Variants in ITGB3 observed in about 807,000 individuals in gnomAD.
The protein encoded by ITGB3 is integrin beta-3.
In ITGB3, 48 loss-of-function variants were observed where a neutral mutation model predicts 85.8. The ratio of observed to expected loss-of-function variants is 0.56; its 90% confidence interval spans 0.44 to 0.71. The LOEUF (loss-of-function observed/expected upper bound fraction) is 0.71. Among genes scored for constraint, ITGB3 ranks in the 30% least tolerant of loss-of-function variants. The probability of loss-of-function intolerance (pLI) is 0.00; values close to 1 mark genes in which losing one functional copy is unlikely to be tolerated. For missense variants in ITGB3, 861 were observed against 1,019.1 expected (o/e 0.84, Z 2.11); for synonymous variants, 363 against 395.6 (o/e 0.92, Z 0.98).
intron 1 of ITGB3, among the ~76,000 whole-genome samples, chr17:47,266,010 C>G (rs1340013377): frequency 1.3e-5 from 2 of 152,154 alleles, no homozygotes; most frequent in Non-Finnish European, 2.9e-5. Context: ...AAGGAAGGAC[C>G]AAAATTAAAA....
rs114338812 is a variant in ITGB3 at position 47,300,313 on chromosome 17, G to T, written c.1914-165G>T. ...CCCTGAACTCCACACTTGCCATTCA[G>T]GTCCCCAGGATTGTCTTACAGGCGC... On this transcript the variant is annotated intron_variant, in intron 11 of 14. Transcript: ENST00000559488. Among the ~76,000 whole-genome samples the T allele has an allele frequency of 0.017, 2,612 of 151,442 alleles. 65 individuals are homozygous for T. The highest frequency in any genetic ancestry group is 0.061 in the African/African-American group (2,498 of 41,176).
chr17:47,265,541 G>A (rs1055869729), intron 1 of ITGB3, among the ~76,000 whole-genome samples: 7 of 151,920 alleles, frequency 4.6e-5, no homozygotes, highest in East Asian at 1.9e-4. Context: ...CTCTCTCTTC[G>A]TGTGGTGTTT....
chr17:47,274,323 G>A, intron 1 of ITGB3, 96 bp from the exon 2 acceptor site: 1 of 1,044,986 alleles, frequency 9.6e-7, no homozygotes, highest in South Asian at 1.3e-5. Flanking sequence ...CCTGAGAGCT[G>A]TAAACCTGGA....
chr17:47,270,103 C>T (rs1334197902), intron 1 of ITGB3, among the ~76,000 whole-genome samples: 2 of 152,176 alleles, frequency 1.3e-5, no homozygotes, highest in Non-Finnish European at 2.9e-5. Flanking sequence ...GGATAATCAT[C>T]CCTGTGATTC....
chr17:47,270,092 A>G, intron 1 of ITGB3, among the ~76,000 whole-genome samples: 1 of 152,202 alleles, frequency 6.6e-6, no homozygotes, highest in East Asian at 1.9e-4. Context: ...CAGCAACATG[A>G]GGATAATCAT....
chr17:47,293,336 TG>T (rs2143116147), intron 10 of ITGB3, among the ~76,000 whole-genome samples: 1 of 152,302 alleles, frequency 6.6e-6, no homozygotes, highest in African/African-American at 2.4e-5. Flanking sequence ...GAACCACTCC[TG>T]GGGTACTTTC....
At chr17:47,283,717 G>A (rs866595832) in intron 3 of ITGB3, among the ~76,000 whole-genome samples, 168 bp downstream of exon 3, 2 of 152,182 alleles carry the variant, frequency 1.3e-5, no homozygotes, top group African/African-American at 2.4e-5. Context: ...AATAAGAGAC[G>A]TTAGGACTTG....
chr17:47,313,549 C>T lies in ITGB3; in HGVS notation c.*3345C>T, dbSNP rs1341403348. On this transcript the variant is annotated 3_prime_UTR_variant, in exon 15 of 15. Transcript: ENST00000559488. ...TATTTTTAGTAGAGACGGGGTTTCA[C>T]GGTGTTAGCCAGGAAGGTCTCGATC... 6.6e-6 allele frequency among the ~76,000 whole-genome samples: 1 copy of T among 151,734 alleles called. No homozygotes were observed. The highest frequency in any genetic ancestry group is 2.4e-5 in the African/African-American group (1 of 41,286).
chr17:47,272,687 C>CTT (rs1350966737), intron 1 of ITGB3, among the ~76,000 whole-genome samples: 9 of 97,256 alleles, frequency 9.3e-5, no homozygotes, highest in Non-Finnish European at 1.5e-4. Flanking sequence ...CTTTTTTTTT[C>CTT]TTTCTTTCTT....
intron 2 of ITGB3, among the ~76,000 whole-genome samples, chr17:47,281,856 G>A (rs959102701): frequency 2.0e-5 from 3 of 152,160 alleles, no homozygotes; most frequent in African/African-American, 7.2e-5. Context: ...TAGCCTGTGT[G>A]ACATCCCTGT....
intron 1 of ITGB3, among the ~76,000 whole-genome samples, chr17:47,256,477 C>G (rs111281236): frequency 3.2e-4 from 49 of 151,452 alleles, no homozygotes; most frequent in African/African-American, 8.7e-4. Flanking sequence ...AGTAATACCC[C>G]CCCCCCCAAC....
rs73985151 is a variant in ITGB3 at position 47,273,317 on chromosome 17, G to A, written c.80-1102G>A. ...TCCCTTTGGAAAACTGCATGAAGGAGCTGTCAGGGTAACTGGGTCATGGAG... is the reference window on the plus strand; with the variant it reads ...TCCCTTTGGAAAACTGCATGAAGGAACTGTCAGGGTAACTGGGTCATGGAG... On this transcript the variant is annotated intron_variant, in intron 1 of 14. Transcript: ENST00000559488. Among the ~76,000 whole-genome samples, 294 of 152,326 alleles carry A rather than the reference G, an allele frequency of 1.9e-3. 3 individuals carry two copies. Among genetic ancestry groups the A allele is most frequent in the African/African-American group, 6.7e-3 (279 of 41,570 alleles).
chr17:47,288,240 GAA>G (rs1210425396), intron 6 of ITGB3, among the ~76,000 whole-genome samples: 26 of 77,014 alleles, frequency 3.4e-4, no homozygotes, highest in African/African-American at 7.4e-4. Context: ...GAGAGAGAGA[GAA>G]AGAGGGGAAA....
intron 11 of ITGB3, 136 bp from the exon 12 acceptor site, chr17:47,300,342 C>CGTGT (rs748298784): frequency 1.9e-5 from 13 of 696,790 alleles, no homozygotes; most frequent in African/African-American, 1.8e-4. Context: ...CAGGCGCGCG[C>CGTGT]GCGCGTGTGT....
rs546062759 is a variant in ITGB3, at chr17:47,266,988, A to T, written c.80-7431A>T. 2.0e-5 allele frequency among the ~76,000 whole-genome samples: 3 copies of T among 152,338 alleles called. No homozygotes were observed. The South Asian group carries it at 6.2e-4, about 32-fold the overall frequency. ...TCCCACGACTCCTTCTGCTCAGGGC[A>T]TACTTAACGTCATGTCTAGTGTCCC... On this transcript the variant is annotated intron_variant, in intron 1 of 14. Coordinates refer to ENST00000559488, the MANE Select transcript of ITGB3 (RefSeq NM_000212.3).
intron 1 of ITGB3, among the ~76,000 whole-genome samples, chr17:47,274,044 G>A (rs915098920): frequency 6.6e-6 from 1 of 152,150 alleles, no homozygotes; most frequent in Non-Finnish European, 1.5e-5. Context: ...GACTGAAGAG[G>A]GGATACATTG....
At chr17:47,276,670 T>C (rs1400778323) in intron 2 of ITGB3, among the ~76,000 whole-genome samples, 2 of 151,590 alleles carry the variant, frequency 1.3e-5, no homozygotes, top group Non-Finnish European at 2.9e-5. Flanking sequence ...GAAGGAAGGG[T>C]GGAGGACCCC....
chr17:47,302,972 G>C, intron 13 of ITGB3, 132 bp downstream of exon 13: 1 of 1,060,996 alleles, frequency 9.4e-7, no homozygotes. Flanking sequence ...TAGGGGCCAG[G>C]TGTGGTGGTT....
At chr17:47,297,822 C>T (rs1023276664) in intron 10 of ITGB3, among the ~76,000 whole-genome samples, 7 of 143,690 alleles carry the variant, frequency 4.9e-5, no homozygotes, top group African/African-American at 1.8e-4. Flanking sequence ...TTTGAAGTTA[C>T]AGTGAGCAAT....
Sources: allele counts gnomAD v4.1 joint callset (sites outside exome capture counted in the v4.1 genomes callset), GRCh38; gene constraint gnomAD v4.1.1; transcripts MANE v1.5; gene names NCBI Gene and HGNC (gene_info 2026-07-23, HGNC 2026-07-21).